Variants in SHROOM3 observed in about 807,000 individuals in gnomAD.
SHROOM3 encodes the protein shroom family member 3.
Under a neutral mutation model 138.6 loss-of-function variants are expected in SHROOM3, and 47 were observed. That is an observed-to-expected ratio of 0.34 (90% CI 0.27 to 0.43). SHROOM3 has a LOEUF of 0.43. SHROOM3 is among the 20% of genes least tolerant of loss of function. The pLI is 1.00. For synonymous variants in SHROOM3, 1,062 were observed against 1,063.3 expected, an observed-to-expected ratio of 1.00 and a Z score of 0.02; for missense variants, 2,491 against 2,596.5, an observed-to-expected ratio of 0.96 and a Z score of 0.88.
At chr4:76,709,663 G>A (rs1028531562) in intron 2 of SHROOM3, 6 of 178,478 alleles carry the variant, frequency 3.4e-5, no homozygotes, top group African/African-American at 1.4e-4. Context: ...GAGTTGGCAT[G>A]TGCTTCTGAG....
chr4:76,642,341 C>A (rs917472451), intron 2 of SHROOM3, among the ~76,000 whole-genome samples: 4 of 152,144 alleles, frequency 2.6e-5, no homozygotes, highest in Admixed American at 2.6e-4. Context: ...GTAAGGATGA[C>A]TGCGATTGGG....
rs908357476 is a variant in SHROOM3, at chr4:76,505,159, A to G, written c.169-50450A>G. On this transcript the variant is annotated intron_variant, in intron 1 of 10. Transcript: ENST00000296043. ...TGTCCCATTAACCTAAGATAACTCAATAGGTAGAAGATCTCAAGTCACACA... is the reference window on the plus strand; with the variant it reads ...TGTCCCATTAACCTAAGATAACTCAGTAGGTAGAAGATCTCAAGTCACACA... Among the ~76,000 whole-genome samples the G allele has an allele frequency of 3.4e-4, 52 of 152,198 alleles. 1 individual carries two copies. Among genetic ancestry groups the G allele is most frequent in the Non-Finnish European group, 8.8e-5 (6 of 68,032 alleles).
At chr4:76,720,431 A>G (rs1053850944) in intron 3 of SHROOM3, among the ~76,000 whole-genome samples, 1 of 152,112 alleles carries the variant, frequency 6.6e-6, no homozygotes, top group Non-Finnish European at 1.5e-5. Context: ...AAACAATGTT[A>G]TGAGTGCAGC....
intron 1 of SHROOM3, among the ~76,000 whole-genome samples, chr4:76,463,062 C>T (rs1204964353): frequency 6.6e-6 from 1 of 152,142 alleles, no homozygotes; most frequent in African/African-American, 2.4e-5. Flanking sequence ...GTTTTTAGGG[C>T]TCAAAAGATA....
intron 1 of SHROOM3, among the ~76,000 whole-genome samples, chr4:76,449,252 GGA>G (rs909723298): frequency 6.6e-6 from 1 of 152,122 alleles, no homozygotes. Context: ...GGATCTCTGA[GGA>G]GAGAAATTCT....
At chr4:76,674,324 A>G (rs187477105) in intron 2 of SHROOM3, among the ~76,000 whole-genome samples, 49 of 152,188 alleles carry the variant, frequency 3.2e-4, no homozygotes, top group African/African-American at 1.2e-3. Context: ...CTATATTTCT[A>G]TAGGTTATTT....
chr4:76,741,957 A>C lies in SHROOM3; in HGVS notation c.3753+31A>C. 6.2e-7 allele frequency: 1 copy of C among 1,606,186 alleles called. No individual in the cohort carries two copies. Among genetic ancestry groups the C allele is most frequent in the South Asian group, 1.1e-5 (1 of 89,396 alleles). ...TGCAACCAGCAAGTCCTGGCCTCGA[A>C]CTGTCCCTTCCTCCCTAGAAGCTTT... On this transcript the variant is annotated intron_variant, in intron 5 of 10. Coordinates refer to ENST00000296043, the MANE Select transcript of SHROOM3 (RefSeq NM_020859.4). The surrounding 1 kb of genome is among the most constrained non-coding windows in gnomAD (Gnocchi z 6.2).
At chr4:76,709,707 A>C in intron 2 of SHROOM3, 2 of 256,110 alleles carry the variant, frequency 7.8e-6, no homozygotes, top group South Asian at 9.2e-5. Context: ...GGCCTGTTAC[A>C]CTTGGAGATC....
intron 2 of SHROOM3, among the ~76,000 whole-genome samples, chr4:76,593,824 T>C (rs4859452): frequency 0.59 from 89,867 of 151,906 alleles, 27,366 homozygotes; most frequent in East Asian, 0.85. Flanking sequence ...GTGGAGTCAT[T>C]TTCTTGCAGT....
intron 3 of SHROOM3, among the ~76,000 whole-genome samples, chr4:76,721,647 A>C (rs749629546): frequency 2.6e-4 from 40 of 152,242 alleles, no homozygotes; most frequent in Non-Finnish European, 5.1e-4. Context: ...AGTAGCTGGG[A>C]CTACAGGCGT....
chr4:76,682,155 A>T (rs1010138897), intron 2 of SHROOM3, among the ~76,000 whole-genome samples: 1 of 152,120 alleles, frequency 6.6e-6, no homozygotes, highest in African/African-American at 2.4e-5. Context: ...CCTTTGTTCT[A>T]TGAGTTCTGT....
At chr4:76,717,779 A>G (rs1241721531) in intron 3 of SHROOM3, among the ~76,000 whole-genome samples, 1 of 152,248 alleles carries the variant, frequency 6.6e-6, no homozygotes, top group Non-Finnish European at 1.5e-5. Context: ...AATTTCAAAG[A>G]AAAGGTATAG....
chr4:76,719,402 G>GT (rs1720470958), intron 3 of SHROOM3, among the ~76,000 whole-genome samples: 1 of 152,198 alleles, frequency 6.6e-6, no homozygotes, highest in South Asian at 2.1e-4. Flanking sequence ...CCAAATGAGA[G>GT]TTGAGAAACA....
chr4:76,462,696 C>T (rs1419419322), intron 1 of SHROOM3, among the ~76,000 whole-genome samples: 1 of 148,108 alleles, frequency 6.8e-6, no homozygotes, highest in Non-Finnish European at 1.5e-5. Flanking sequence ...CTCCCTCTCT[C>T]TCTCCCTCTC....
At chr4:76,667,411 A>T (rs1718726234) in intron 2 of SHROOM3, among the ~76,000 whole-genome samples, 2 of 151,914 alleles carry the variant, frequency 1.3e-5, no homozygotes, top group South Asian at 4.2e-4. Flanking sequence ...CTCAATCTCC[A>T]GGGCTCAGGC....
At chr4:76,711,207 A>G (rs1364676442) in intron 3 of SHROOM3, among the ~76,000 whole-genome samples, 14 of 152,172 alleles carry the variant, frequency 9.2e-5, no homozygotes, top group Non-Finnish European at 2.1e-4. Flanking sequence ...AGATTCTGCC[A>G]CTTACCATAG....
rs572977706 is a variant in SHROOM3 at position 76,716,096 on chromosome 4, A to G, written c.455+5809A>G. The G allele has an allele frequency of 2.7e-5, 7 of 262,942 alleles. No homozygotes were observed. The East Asian group carries it at 6.6e-4, about 25-fold the overall frequency. 16.3% of individuals were successfully genotyped at this position (262,942 alleles called of 1,614,324 possible). On this transcript the variant is annotated intron_variant, in intron 3 of 10. Transcript: ENST00000296043. ...TCTAAGCTATAGGCTATTGTTCAAG[A>G]TGCCAGCTCTTCTCAGGGAGTCATT...
intron 2 of SHROOM3, among the ~76,000 whole-genome samples, chr4:76,586,685 A>T (rs988314180): frequency 3.3e-5 from 5 of 152,214 alleles, no homozygotes; most frequent in African/African-American, 1.2e-4. Context: ...AGAGAGCTTG[A>T]CAAATGACTC....
At position 76,739,620 on chromosome 4, in the gene SHROOM3, C is replaced by T. The variant is rs1721183167; in HGVS notation, c.1447C>T (p.Pro483Ser). The change falls in exon 5 of 11, where the codon CCT (proline) becomes TCT (serine). Residue 483 changes from proline (P) to serine (S), a missense_variant. Physicochemically the swap from Pro to Ser is moderately conservative, Grantham distance 74. This residue lies in a region of SHROOM3 where 1,733 missense variants were observed against 1,661.6 expected (regional missense o/e 1.04). Coordinates refer to ENST00000296043, the MANE Select transcript of SHROOM3 (RefSeq NM_020859.4). The part of the protein sequence containing the change: ...LEPHFAQVPQ[P>S]SVSSNGMLYP... Reference sequence around the variant, plus strand: ...GCCACACTTTGCCCAGGTGCCTCAGCCTTCTGTGAGTAGCAACGGTATGCT... The same window carrying T: ...GCCACACTTTGCCCAGGTGCCTCAGTCTTCTGTGAGTAGCAACGGTATGCT... 1 of 1,614,204 alleles carries T rather than the reference C, an allele frequency of 6.2e-7. No homozygotes were observed. The highest frequency in any genetic ancestry group is 8.5e-7 in the Non-Finnish European group (1 of 1,180,050).
Sources: gnomAD v4.1 joint callset for allele counts (sites outside exome capture counted in the v4.1 genomes callset) on GRCh38, gnomAD v4.1.1 for gene constraint, gnomAD v4.1.1 regional missense constraint, Gnocchi (gnomAD v3.1) non-coding constraint, MANE v1.5 for transcripts, NCBI Gene and HGNC (gene_info 2026-07-23, HGNC 2026-07-21) for gene names.